The following MYRIP variants were observed in gnomAD, a reference collection of about 807,000 sequenced individuals.
The protein encoded by MYRIP is rab effector MyRIP.
MYRIP carries 49 observed loss-of-function variants against 98.0 expected under a neutral mutation model. The ratio of observed to expected loss-of-function variants is 0.50; its 90% CI spans 0.40 to 0.63. The LOEUF is 0.63. Among genes scored for constraint, MYRIP ranks in the 30% least tolerant of loss-of-function variants. The pLI is 0.00. For synonymous variants in MYRIP, 404 were observed against 409.5 expected (o/e 0.99, Z 0.16); for missense variants, 1,004 against 1,058.2 (o/e 0.95, Z 0.71).
intron 2 of MYRIP, among the ~76,000 whole-genome samples, chr3:39,963,911 C>T (rs1452475734): frequency 4.6e-5 from 7 of 151,962 alleles, no homozygotes; most frequent in Admixed American, 2.6e-4. Flanking sequence ...GAGAATAGCC[C>T]GGAAGGATTG....
chr3:39,987,255 GT>G (rs1200186843), intron 2 of MYRIP, among the ~76,000 whole-genome samples: 2 of 152,244 alleles, frequency 1.3e-5, no homozygotes, highest in African/African-American at 4.8e-5. Flanking sequence ...AGATCATGTG[GT>G]GTTTGGTTTT....
intron 2 of MYRIP, among the ~76,000 whole-genome samples, chr3:39,980,875 G>A (rs1442860632): frequency 1.3e-5 from 2 of 152,142 alleles, no homozygotes; most frequent in Non-Finnish European, 2.9e-5. Flanking sequence ...TAGTTGCCAG[G>A]GGCTGGGAGG....
chr3:39,948,876 A>G (rs1170628487), intron 2 of MYRIP, among the ~76,000 whole-genome samples: 2 of 152,182 alleles, frequency 1.3e-5, no homozygotes, highest in African/African-American at 4.8e-5. Context: ...TGGAACACCG[A>G]AGACAAACAG....
At chr3:39,852,310 T>A (rs1942153089) in intron 1 of MYRIP, among the ~76,000 whole-genome samples, 1 of 152,154 alleles carries the variant, frequency 6.6e-6, no homozygotes, top group Non-Finnish European at 1.5e-5. Flanking sequence ...AGAGCACACC[T>A]CTGGTCCCAC....
intron 2 of MYRIP, among the ~76,000 whole-genome samples, chr3:39,998,089 C>A (rs1047562320): frequency 6.6e-6 from 1 of 152,070 alleles, no homozygotes; most frequent in Non-Finnish European, 1.5e-5. Context: ...ACTGAATGGG[C>A]AAAAACTGGA....
intron 2 of MYRIP, among the ~76,000 whole-genome samples, chr3:39,910,236 G>A (rs996337900): frequency 3.9e-5 from 6 of 152,138 alleles, no homozygotes; most frequent in Non-Finnish European, 5.9e-5. Flanking sequence ...GCTCTAAAAC[G>A]GTGTTAAATA....
chr3:39,957,447 A>G (rs1945197249), intron 2 of MYRIP, among the ~76,000 whole-genome samples: 2 of 152,194 alleles, frequency 1.3e-5, no homozygotes, highest in African/African-American at 4.8e-5. Context: ...ATCTCAATAC[A>G]TGCAGAAAAG....
intron 2 of MYRIP, among the ~76,000 whole-genome samples, chr3:39,999,260 C>T (rs1037181049): frequency 4.6e-5 from 7 of 152,148 alleles, no homozygotes; most frequent in Admixed American, 4.6e-4. Flanking sequence ...AATGGGAGAA[C>T]ATTTTTGCAG....
intron 3 of MYRIP, among the ~76,000 whole-genome samples, chr3:40,097,477 A>C (rs1948854588): frequency 6.6e-6 from 1 of 152,176 alleles, no homozygotes; most frequent in African/African-American, 2.4e-5. Flanking sequence ...GGAAAAAAAA[A>C]AGTCCCCTCT....
At chr3:40,151,254 C>T (rs894952850) in intron 4 of MYRIP, 70 bp downstream of exon 4, 39 of 1,493,756 alleles carry the variant, frequency 2.6e-5, no homozygotes, top group Non-Finnish European at 3.1e-5. Flanking sequence ...CTCAGGGGCC[C>T]TGAACACTGG....
At chr3:40,235,188 T>G (rs1247233436) in intron 12 of MYRIP, among the ~76,000 whole-genome samples, 1 of 152,166 alleles carries the variant, frequency 6.6e-6, no homozygotes, top group Non-Finnish European at 1.5e-5. Flanking sequence ...TGACCACATT[T>G]AGACCTCAGA....
At chr3:40,154,599 T>G (rs1234160922) in intron 4 of MYRIP, among the ~76,000 whole-genome samples, 1 of 152,200 alleles carries the variant, frequency 6.6e-6, no homozygotes, top group Non-Finnish European at 1.5e-5. Context: ...CGTGCAGGTT[T>G]GTTACATAAG....
intron 2 of MYRIP, among the ~76,000 whole-genome samples, chr3:40,007,826 T>C (rs564852363): frequency 6.6e-6 from 1 of 152,352 alleles, no homozygotes; most frequent in African/African-American, 2.4e-5. Flanking sequence ...TTCCCTCTTC[T>C]TCAGGGAGGT....
intron 2 of MYRIP, among the ~76,000 whole-genome samples, chr3:40,036,670 G>A (rs1947393259): frequency 6.6e-6 from 1 of 152,056 alleles, no homozygotes; most frequent in South Asian, 2.1e-4. Flanking sequence ...TTTGCAACCA[G>A]ATGCACGAGA....
intron 2 of MYRIP, among the ~76,000 whole-genome samples, chr3:39,944,586 A>G (rs931361786): frequency 6.6e-6 from 1 of 152,098 alleles, no homozygotes; most frequent in African/African-American, 2.4e-5. Context: ...GGGGAAGGGA[A>G]TTGGGTAGCT....
At chr3:40,232,032 C>G (rs1244878606) in intron 11 of MYRIP, among the ~76,000 whole-genome samples, 3 of 152,184 alleles carry the variant, frequency 2.0e-5, no homozygotes, top group African/African-American at 4.8e-5. Context: ...TGGGGGACAT[C>G]CTCTGCACAT....
At chr3:40,168,847 T>C (rs1330655749) in intron 7 of MYRIP, among the ~76,000 whole-genome samples, 3 of 152,194 alleles carry the variant, frequency 2.0e-5, no homozygotes, top group Non-Finnish European at 4.4e-5. Context: ...ATTCTCCCTA[T>C]ACTGGGAGGG....
chr3:40,008,451 C>G (rs1231349527), intron 2 of MYRIP, among the ~76,000 whole-genome samples: 1 of 152,038 alleles, frequency 6.6e-6, no homozygotes, highest in Non-Finnish European at 1.5e-5. Context: ...CTGTATTAAA[C>G]TTTAGGGTAT....
chr3:40,147,218 C>G (rs1403550951), intron 3 of MYRIP, among the ~76,000 whole-genome samples: 2 of 152,088 alleles, frequency 1.3e-5, no homozygotes, highest in African/African-American at 4.8e-5. Context: ...ATGCTGGCGA[C>G]CTCTATGACT....
Sources: allele counts gnomAD v4.1 joint callset (sites outside exome capture counted in the v4.1 genomes callset), GRCh38; gene constraint gnomAD v4.1.1; transcripts MANE v1.5; gene names NCBI Gene and HGNC (gene_info 2026-07-23, HGNC 2026-07-21).